Variants in TMEM87A observed in about 807,000 individuals in gnomAD.
TMEM87A encodes Golgi-pH regulating cation channel.
A neutral mutation model predicts 90.0 loss-of-function variants in TMEM87A; 50 were observed. The ratio of observed to expected loss-of-function variants is 0.56; its 90% confidence interval spans 0.44 to 0.70. TMEM87A has a LOEUF of 0.70. TMEM87A is among the 30% of genes least tolerant of loss of function. TMEM87A has a pLI of 0.00. For missense variants in TMEM87A, 577 were observed against 660.5 expected (o/e 0.87, Z 1.39); for synonymous variants, 226 against 226.7 (o/e 1.00, Z 0.03).
In TMEM87A at chr15:42,264,699, A is replaced by ATTT. The variant is rs1555409717; in HGVS notation, c.292-499_292-497dup. ...TATGTGTGTGTATATATATATATAT[A>ATTT]TTTTTTTTTTAACTTTTATTTTAGG... On this transcript the variant is annotated intron_variant, in intron 3 of 19. Coordinates refer to ENST00000389834, the MANE Select transcript of TMEM87A (RefSeq NM_015497.5). Among the ~76,000 whole-genome samples, 55 of 109,432 alleles carry ATTT rather than the reference A, an allele frequency of 5.0e-4. 1 individual carries two copies. Among genetic ancestry groups the ATTT allele is most frequent in the African/African-American group, 1.4e-3 (46 of 32,516 alleles). 71.8% of individuals were successfully genotyped at this position (109,432 alleles called of 152,430 possible).
intron 11 of TMEM87A, chr15:42,231,953 G>A (rs965369977): frequency 1.7e-6 from 2 of 1,173,662 alleles, no homozygotes; most frequent in Non-Finnish European, 2.2e-6. Context: ...GAAATTGACA[G>A]AGGGTTAAAG....
chr15:42,226,513 G>C (rs1466914141), intron 15 of TMEM87A: 5 of 343,428 alleles, frequency 1.5e-5, no homozygotes, highest in Non-Finnish European at 2.1e-5. Flanking sequence ...TATTTCCATA[G>C]TATGCCTGTG....
chr15:42,231,143 T>TC (rs56119841), intron 12 of TMEM87A, 49 bp downstream of exon 12: 1,536,154 of 1,536,170 alleles, frequency 1, 768,069 homozygotes, highest in Middle Eastern at 1. Context: ...GAAACCCATC[T>TC]CAAGGGGAGA....
intron 12 of TMEM87A, 82 bp from the exon 13 acceptor site, chr15:42,228,902 G>A (rs977080236): frequency 7.2e-6 from 7 of 975,060 alleles, no homozygotes; most frequent in Non-Finnish European, 1.1e-5. Flanking sequence ...TAAGGATCTG[G>A]GGTCATGCCA....
intron 4 of TMEM87A, among the ~76,000 whole-genome samples, chr15:42,262,474 TTG>T (rs2051315021): frequency 6.7e-6 from 1 of 149,246 alleles, no homozygotes; most frequent in Non-Finnish European, 1.5e-5. Context: ...AGTTTCACTC[TTG>T]TCGCCCAGGC....
Position 42,237,539 on chromosome 15 carries a change from T to C in TMEM87A, c.761A>G (p.Asp254Gly). Reference sequence around the variant, plus strand: ...AATCCAAAACTGAATTCTCAGGAGATCTCTCCAGTAGCAGGCAGACCATGC... The same window carrying C: ...AATCCAAAACTGAATTCTCAGGAGACCTCTCCAGTAGCAGGCAGACCATGC... Reference protein sequence around the residue: ...WLAWSACYWRDLLRIQFWIGA... With the variant: ...WLAWSACYWRGLLRIQFWIGA... Residue 254 changes from aspartate (D) to glycine (G), a missense_variant, in exon 9 of 20, where the codon GAT becomes GGT. Physicochemically the swap from Asp to Gly is moderately conservative, Grantham distance 94. Coordinates refer to ENST00000389834, the MANE Select transcript of TMEM87A (RefSeq NM_015497.5). The C allele has an allele frequency of 6.2e-7, 1 of 1,614,054 alleles. No homozygotes were observed. The highest frequency in any genetic ancestry group is 8.5e-7 in the Non-Finnish European group (1 of 1,180,014).
chr15:42,211,138 C>CTTTTTTTTTTTTTT lies in TMEM87A; in HGVS notation c.*569_*570insAAAAAAAAAAAAAA, dbSNP rs11433755. 1 of 145,286 alleles carries CTTTTTTTTTTTTTT rather than the reference C, an allele frequency of 6.9e-6. No individual in the cohort carries two copies. The highest frequency in any genetic ancestry group is 1.5e-5 in the Non-Finnish European group (1 of 66,282). 9.0% of individuals were successfully genotyped at this position (145,286 alleles called of 1,614,324 possible). A position where few individuals can be genotyped will look rare whatever the true frequency, so the allele number is the denominator to read the frequency against. On this transcript the variant is annotated 3_prime_UTR_variant, in exon 20 of 20. Transcript: ENST00000389834. ...TCTGAATCATACTGTAACAGTTTCT[C>CTTTTTTTTTTTTTT]TTTTTTTTTTTTTCTTTTGATCATT...
chr15:42,273,545 TCAGA>T (rs17525771), upstream of TMEM87A: 365 of 1,365,484 alleles, frequency 2.7e-4, 6 homozygotes, highest in East Asian at 8.8e-3. Context: ...GGCCCCTCTC[TCAGA>T]CAGTCGTCTG....
chr15:42,267,890 A>T, intron 3 of TMEM87A, 57 bp downstream of exon 3: 1 of 1,388,348 alleles, frequency 7.2e-7, no homozygotes, highest in Non-Finnish European at 1.0e-6. Context: ...AAATTAAGAG[A>T]CTGGAACCAG....
intron 6 of TMEM87A, among the ~76,000 whole-genome samples, chr15:42,260,244 A>T (rs1441969976): frequency 1.3e-5 from 2 of 152,116 alleles, no homozygotes; most frequent in Non-Finnish European, 1.5e-5. Flanking sequence ...GCATGGTGGT[A>T]TGTGCCTGTG....
At chr15:42,225,017 G>A (rs1368785052) in intron 15 of TMEM87A, among the ~76,000 whole-genome samples, 2 of 152,120 alleles carry the variant, frequency 1.3e-5, no homozygotes, top group Non-Finnish European at 2.9e-5. Flanking sequence ...TAAAAGAAGG[G>A]TCTCCAGAAT....
chr15:42,214,404 C>T (rs549821724), intron 19 of TMEM87A, among the ~76,000 whole-genome samples: 19 of 152,256 alleles, frequency 1.2e-4, no homozygotes, highest in Admixed American at 3.9e-4. Context: ...GGCCAATATC[C>T]CTGATGAGCA....
chr15:42,241,440 T>C (rs1055299942), intron 7 of TMEM87A, among the ~76,000 whole-genome samples: 3 of 152,210 alleles, frequency 2.0e-5, no homozygotes, highest in African/African-American at 4.8e-5. Context: ...TGAAAATGTG[T>C]GGTATATTTA....
intron 6 of TMEM87A, among the ~76,000 whole-genome samples, chr15:42,259,552 A>G (rs8037485): frequency 0.011 from 1,615 of 152,298 alleles, 26 homozygotes; most frequent in African/African-American, 0.035. Context: ...TTGAACAGCA[A>G]TCCTTCAAGA....
chr15:42,269,966 T>A (rs77550580), intron 2 of TMEM87A, among the ~76,000 whole-genome samples: 7 of 115,204 alleles, frequency 6.1e-5, no homozygotes, highest in African/African-American at 2.0e-4. Flanking sequence ...AAAAAAAAAA[T>A]GGTCCCAGCT....
intron 19 of TMEM87A, among the ~76,000 whole-genome samples, chr15:42,216,697 G>A (rs1388659621): frequency 6.6e-6 from 1 of 152,150 alleles, no homozygotes; most frequent in South Asian, 2.1e-4. Context: ...GAATGGTAGA[G>A]TTCTCAATTA....
chr15:42,272,264 T>G, intron 1 of TMEM87A, 141 bp from the exon 2 acceptor site: 1 of 517,890 alleles, frequency 1.9e-6, no homozygotes, highest in Non-Finnish European at 3.4e-6. Flanking sequence ...TTCCCTTTAC[T>G]CACCAATCAC....
At chr15:42,260,423 A>G (rs900903067) in intron 6 of TMEM87A, among the ~76,000 whole-genome samples, 5 of 152,178 alleles carry the variant, frequency 3.3e-5, no homozygotes, top group African/African-American at 9.6e-5. Context: ...TACCTTCATA[A>G]AGTTGTTATA....
rs763003594 is a variant in TMEM87A at position 42,211,756 on chromosome 15, A to G, written c.1627-7T>C. The G allele has an allele frequency of 2.4e-4, 182 of 743,298 alleles. No homozygotes were observed. The highest frequency in any genetic ancestry group is 1.2e-3 in the East Asian group (21 of 17,768). 46.0% of individuals were successfully genotyped at this position (743,298 alleles called of 1,614,324 possible). A position where few individuals can be genotyped will look rare whatever the true frequency, so the allele number is the denominator to read the frequency against. On this transcript the variant is annotated splice_polypyrimidine_tract_variant and splice_region_variant and intron_variant, in intron 19 of 19. Transcript: ENST00000389834. ...AGTGTGTGATCATTCGTTCCTAGGGAAAAAAAAAAAGGTTGAAGTATATTA... is the reference window on the plus strand; with the variant it reads ...AGTGTGTGATCATTCGTTCCTAGGGGAAAAAAAAAAGGTTGAAGTATATTA...
Sources: allele counts gnomAD v4.1 joint callset (sites outside exome capture counted in the v4.1 genomes callset), GRCh38; gene constraint gnomAD v4.1.1; transcripts MANE v1.5; gene names NCBI Gene and HGNC (gene_info 2026-07-23, HGNC 2026-07-21).